The following RAB11FIP4 variants were observed in gnomAD, a reference collection of about 807,000 sequenced individuals.
The protein encoded by RAB11FIP4 is RAB11 family interacting protein 4, also known as rab11 family-interacting protein 4.
Under a neutral mutation model 74.3 loss-of-function variants are expected in RAB11FIP4, and 23 were observed. The ratio of observed to expected loss-of-function variants is 0.31; its 90% CI spans 0.22 to 0.44. RAB11FIP4 has a LOEUF of 0.44. RAB11FIP4 is among the 20% of genes least tolerant of loss of function. The probability of loss-of-function intolerance (pLI) is 1.00; values close to 1 mark genes in which losing one functional copy is unlikely to be tolerated. For missense variants in RAB11FIP4, 630 were observed against 863.9 expected (o/e 0.73, Z 3.39); for synonymous variants, 360 against 359.9 (o/e 1.00, Z 0.00).
chr17:31,498,118 G>T (rs544303112), intron 3 of RAB11FIP4, among the ~76,000 whole-genome samples: 1 of 152,216 alleles, frequency 6.6e-6, no homozygotes, highest in Non-Finnish European at 1.5e-5. Flanking sequence ...GCCTGGTTCT[G>T]TGGGCAGTGG....
At chr17:31,439,459 G>A (rs1030917239) in intron 3 of RAB11FIP4, among the ~76,000 whole-genome samples, 5 of 152,290 alleles carry the variant, frequency 3.3e-5, no homozygotes, top group Middle Eastern at 3.4e-3. Context: ...GTGCTGCCCA[G>A]CTTCCTAGGG....
intron 3 of RAB11FIP4, among the ~76,000 whole-genome samples, chr17:31,510,734 CA>C (rs757023074): frequency 1.4e-4 from 21 of 152,042 alleles, no homozygotes; most frequent in Admixed American, 1.0e-3. Context: ...TTCCTGCAGC[CA>C]AAAAAACCCA....
chr17:31,517,671 C>T lies in RAB11FIP4; in HGVS notation c.357C>T (p.Pro119=). Residue 119 remains proline (P), a synonymous_variant, in exon 4 of 15, where the codon CCC becomes CCT. Coordinates refer to ENST00000621161, the MANE Select transcript of RAB11FIP4 (RefSeq NM_032932.6). ...CVEQGSEVTG[P]TFADGELIPR... ...CCCAGGGCAGCGAGGTCACAGGCCCCACCTTTGCTGATGGCGAGCTCATCC... is the reference window on the plus strand; with the variant it reads ...CCCAGGGCAGCGAGGTCACAGGCCCTACCTTTGCTGATGGCGAGCTCATCC... 6.2e-7 allele frequency: 1 copy of T among 1,606,484 alleles called. No individual in the cohort carries two copies. Among genetic ancestry groups the T allele is most frequent in the Non-Finnish European group, 8.5e-7 (1 of 1,177,260 alleles).
Position 31,505,622 on chromosome 17 carries a change from T to TATATA in RAB11FIP4, c.337-12026_337-12025insTAATA, listed in dbSNP as rs370027380. ...TATATAATAATAATTATATATAATA[T>TATATA]ATAATTATATAATAATAATTATATA... On this transcript the variant is annotated intron_variant, in intron 3 of 14. Transcript: ENST00000621161. Among the ~76,000 whole-genome samples the TATATA allele has an allele frequency of 9.0e-5, 8 of 88,972 alleles. 1 individual carries two copies. The highest frequency in any genetic ancestry group is 4.1e-4 in the African/African-American group (8 of 19,388). The allele number at this position is 88,972 out of a possible 152,430, so 58.4% of individuals were successfully genotyped here. A position where few individuals can be genotyped will look rare whatever the true frequency, so the allele number is the denominator to read the frequency against.
chr17:31,507,076 G>A (rs2072364683), intron 3 of RAB11FIP4, among the ~76,000 whole-genome samples: 1 of 152,186 alleles, frequency 6.6e-6, no homozygotes, highest in Admixed American at 6.5e-5. Context: ...TCAGGAGTTT[G>A]AGACCAGTCT....
chr17:31,444,349 AC>A (rs367971641), intron 3 of RAB11FIP4, among the ~76,000 whole-genome samples: 13 of 146,970 alleles, frequency 8.8e-5, no homozygotes, highest in South Asian at 2.2e-4. Flanking sequence ...ATGTTTCAAC[AC>A]CCCCCCCACC....
rs117012366 is a variant in RAB11FIP4, at chr17:31,456,999, C to T, written c.336+22877C>T. Among the ~76,000 whole-genome samples, 822 of 152,032 alleles carry T rather than the reference C, an allele frequency of 5.4e-3. 4 individuals carry two copies. Among genetic ancestry groups the T allele is most frequent in the Middle Eastern group, 0.01 (3 of 292 alleles). On this transcript the variant is annotated intron_variant, in intron 3 of 14. Coordinates refer to ENST00000621161, the MANE Select transcript of RAB11FIP4 (RefSeq NM_032932.6). ...TAAACAAGGCTTGAAAGAACTGGTG[C>T]GGGGAGGTAGGTTGAAAAGGTGGCC...
At chr17:31,530,789 G>C (rs2074153) in intron 14 of RAB11FIP4, among the ~76,000 whole-genome samples, 108,454 of 152,112 alleles carry the variant, frequency 0.71, 39,353 homozygotes, top group African/African-American at 0.86. Flanking sequence ...TATCACTCCC[G>C]CTCTTCCCAG....
chr17:31,514,478 G>A (rs1008691309), intron 3 of RAB11FIP4, among the ~76,000 whole-genome samples: 2 of 140,944 alleles, frequency 1.4e-5, no homozygotes, highest in Non-Finnish European at 3.1e-5. Flanking sequence ...AATCATGTCC[G>A]GACCCGGCTG....
rs2142829707 is a variant in RAB11FIP4 at position 31,527,890 on chromosome 17, T to C, written c.1323T>C (p.Thr441=). 7 of 1,605,124 alleles carry C rather than the reference T, an allele frequency of 4.4e-6. No homozygotes were observed. Among genetic ancestry groups the C allele is most frequent in the Middle Eastern group, 1.7e-4 (1 of 6,034 alleles). Residue 441 remains threonine, a synonymous_variant, in exon 11 of 15, where the codon ACT becomes ACC. Transcript: ENST00000621161. ...ATACAGAGCTTAGAACAACAGTGAC[T>C]CGGCTCAAGTCTCAAACAGAGAAAC... ...EENTELRTTV[T]RLKSQTEKLD...
At chr17:31,399,049 A>C (rs769188962) in intron 1 of RAB11FIP4, among the ~76,000 whole-genome samples, 4 of 152,156 alleles carry the variant, frequency 2.6e-5, no homozygotes, top group Non-Finnish European at 4.4e-5. Flanking sequence ...GGGTGTTCAC[A>C]GGTCCACATG....
In RAB11FIP4 at chr17:31,431,920, CT is replaced by C; in HGVS notation, c.247+23del. On this transcript the variant is annotated intron_variant, in intron 2 of 14. Transcript: ENST00000621161. ...TGAAAGGTGAGGTCTTCCCGGGAGG[CT>C]TTCCCAGGCGCTCTCCGGTCCTGCC... 1 of 1,574,224 alleles carries C rather than the reference CT, an allele frequency of 6.4e-7. No homozygotes were observed. Among genetic ancestry groups the C allele is most frequent in the African/African-American group, 1.3e-5 (1 of 74,138 alleles).
chr17:31,462,605 C>T (rs1248363294), intron 3 of RAB11FIP4, among the ~76,000 whole-genome samples: 1 of 152,046 alleles, frequency 6.6e-6, no homozygotes, highest in Non-Finnish European at 1.5e-5. Context: ...TCATTATCTC[C>T]ACACCATCTT....
In RAB11FIP4 at chr17:31,527,858, G is replaced by A; in HGVS notation, c.1291G>A (p.Glu431Lys). The A allele has an allele frequency of 4.4e-6, 7 of 1,606,870 alleles. No individual in the cohort carries two copies. Among genetic ancestry groups the A allele is most frequent in the Non-Finnish European group, 5.9e-6 (7 of 1,176,988 alleles). The part of the protein sequence containing the change: ...LLNARVQQLE[E>K]ENTELRTTVT... ...TTTCGCCAGGGTGCAGCAGTTGGAG[G>A]AAGAAAATACAGAGCTTAGAACAAC... Residue 431 changes from glutamate to lysine, a missense_variant, in exon 11 of 15, where the codon GAA (glutamate) becomes AAA (lysine). Glu to Lys is a moderately conservative substitution (Grantham distance 56). Transcript: ENST00000621161.
intron 1 of RAB11FIP4, among the ~76,000 whole-genome samples, chr17:31,397,321 C>G (rs1163991162): frequency 2.6e-5 from 4 of 151,990 alleles, no homozygotes; most frequent in African/African-American, 9.7e-5. Flanking sequence ...GAGGCCTCCT[C>G]GGGACTGTGG....
chr17:31,516,561 C>T (rs1265744415), intron 3 of RAB11FIP4, among the ~76,000 whole-genome samples: 1 of 152,240 alleles, frequency 6.6e-6, no homozygotes. Flanking sequence ...GCTCCGCCTC[C>T]TAGGTTCACG....
chr17:31,431,761 T>C (rs1398115780), intron 1 of RAB11FIP4, 52 bp from the exon 2 acceptor site: 1 of 1,081,646 alleles, frequency 9.2e-7, no homozygotes, highest in Non-Finnish European at 1.4e-6. Flanking sequence ...GCTCCCTGAG[T>C]CTTCGGGAGA....
Position 31,521,901 on chromosome 17 carries a change from C to T in RAB11FIP4, c.759-14C>T. 6.2e-7 allele frequency: 1 copy of T among 1,613,978 alleles called. No individual in the cohort carries two copies. Among genetic ancestry groups the T allele is most frequent in the South Asian group, 1.1e-5 (1 of 91,076 alleles). ...CAGCAGTTAAGGTGGTGATTCCTTT[C>T]CCTCATGAATCAGTGCGGGGCAGAC... On this transcript the variant is annotated splice_polypyrimidine_tract_variant and intron_variant, in intron 5 of 14. Transcript: ENST00000621161.
At position 31,412,611 on chromosome 17, in the gene RAB11FIP4, G is replaced by C. The variant is rs1052882742; in HGVS notation, c.160-19202G>C. ...TGCCCTGTCCCATCACAGGGACCAC[G>C]GATAGGAAGGGGCGGGGCCACCTTA... On this transcript the variant is annotated intron_variant, in intron 1 of 14. Coordinates refer to ENST00000621161, the MANE Select transcript of RAB11FIP4 (RefSeq NM_032932.6). 2.0e-5 allele frequency among the ~76,000 whole-genome samples: 3 copies of C among 152,338 alleles called. No individual in the cohort carries two copies. In the East Asian group the frequency reaches 5.8e-4, roughly 29 times the overall value.
Sources: allele counts gnomAD v4.1 joint callset (sites outside exome capture counted in the v4.1 genomes callset), GRCh38; gene constraint gnomAD v4.1.1; transcripts MANE v1.5; gene names NCBI Gene and HGNC (gene_info 2026-07-23, HGNC 2026-07-21).